KAT6B: variants seen among roughly 807,000 people sequenced by gnomAD.
The protein encoded by KAT6B is histone acetyltransferase KAT6B.
In KAT6B, 10 loss-of-function variants were observed where a neutral mutation model predicts 187.5. The ratio of observed to expected loss-of-function variants is 0.05; its 90% CI spans 0.03 to 0.09. KAT6B has a LOEUF of 0.09. KAT6B is among the 10% of genes least tolerant of loss of function. The probability of loss-of-function intolerance (pLI) is 1.00; values close to 1 mark genes in which losing one functional copy is unlikely to be tolerated. For missense variants in KAT6B, 1,952 were observed against 2,558.9 expected, an observed-to-expected ratio of 0.76 and a Z score of 5.12; for synonymous variants, 861 against 926.8, an observed-to-expected ratio of 0.93 and a Z score of 1.29.
chr10:75,000,027 A>G (rs116905046), intron 13 of KAT6B, among the ~76,000 whole-genome samples: 4 of 152,164 alleles, frequency 2.6e-5, no homozygotes, highest in Non-Finnish European at 4.4e-5. Context: ...ATACAAAAAT[A>G]TGGATGTGGT....
chr10:74,958,125 C>T (rs1473048924), intron 3 of KAT6B, among the ~76,000 whole-genome samples: 1 of 152,180 alleles, frequency 6.6e-6, no homozygotes, highest in Non-Finnish European at 1.5e-5. Flanking sequence ...AATGTTTGGT[C>T]ATGAGATGGT....
At chr10:74,898,875 G>T (rs1436326251) in intron 3 of KAT6B, among the ~76,000 whole-genome samples, 1 of 151,866 alleles carries the variant, frequency 6.6e-6, no homozygotes, top group Non-Finnish European at 1.5e-5. Context: ...AACCGGCTGG[G>T]CACGGTGGCT....
intron 3 of KAT6B, among the ~76,000 whole-genome samples, chr10:74,890,387 C>T (rs1845564982): frequency 6.6e-6 from 1 of 152,026 alleles, no homozygotes; most frequent in Non-Finnish European, 1.5e-5. Flanking sequence ...ACTTGTAATC[C>T]CATTACTTTG....
intron 3 of KAT6B, among the ~76,000 whole-genome samples, chr10:74,957,777 A>T (rs1415271633): frequency 6.6e-6 from 1 of 152,172 alleles, no homozygotes; most frequent in Non-Finnish European, 1.5e-5. Flanking sequence ...TGTTCTTTTA[A>T]TTGCTATTTA....
At position 75,030,930 on chromosome 10, in the gene KAT6B, C is replaced by A; in HGVS notation, c.6106C>A (p.Gln2036Lys). 6.2e-7 allele frequency: 1 copy of A among 1,614,226 alleles called. No individual in the cohort carries two copies. The highest frequency in any genetic ancestry group is 1.1e-5 in the South Asian group (1 of 91,088). ...GATGGGCACCCAGCCATATGCCCAG[C>A]AGCCAATGCAGACCCCACCCCACGG... is the stretch of plus-strand genomic sequence containing the variant. ...GMMGTQPYAQ[Q>K]PMQTPPHGNM... Residue 2036 changes from glutamine to lysine, a missense_variant, in exon 18 of 18, where the codon CAG becomes AAG. Gln to Lys is a moderately conservative substitution (Grantham distance 53, BLOSUM62 1). Coordinates refer to ENST00000287239, the MANE Select transcript of KAT6B (RefSeq NM_012330.4). This position sits in a 1 kb window ranked among gnomAD's most constrained non-coding sequence, Gnocchi z 4.8.
intron 3 of KAT6B, among the ~76,000 whole-genome samples, chr10:74,954,617 G>A (rs1840544681): frequency 1.3e-5 from 2 of 152,250 alleles, no homozygotes; most frequent in Middle Eastern, 6.8e-3. Flanking sequence ...GACACCCAGC[G>A]AGTCCACCCC....
At chr10:74,916,226 C>T (rs1847670793) in intron 3 of KAT6B, among the ~76,000 whole-genome samples, 1 of 151,992 alleles carries the variant, frequency 6.6e-6, no homozygotes, top group Non-Finnish European at 1.5e-5. Context: ...TTATAGTGAC[C>T]CTGTGAGACA....
chr10:74,906,392 C>A (rs1400072320), intron 3 of KAT6B, among the ~76,000 whole-genome samples: 1 of 151,938 alleles, frequency 6.6e-6, no homozygotes, highest in South Asian at 2.1e-4. Flanking sequence ...AGGGACTCCA[C>A]CTCAAAAAAA....
intron 3 of KAT6B, among the ~76,000 whole-genome samples, chr10:74,885,381 A>G (rs1845164805): frequency 1.3e-5 from 2 of 152,222 alleles, no homozygotes; most frequent in Admixed American, 1.3e-4. Flanking sequence ...GCACAGATTT[A>G]GAATCTGAGG....
chr10:74,898,118 G>C, intron 3 of KAT6B, among the ~76,000 whole-genome samples: 1 of 152,038 alleles, frequency 6.6e-6, no homozygotes, highest in South Asian at 2.1e-4. Flanking sequence ...GTTTATTGTA[G>C]AATGTTTACT....
rs2133654397 is a variant in KAT6B at position 74,969,745 on chromosome 10, C to T, written c.816C>T (p.Cys272=). The change falls in exon 5 of 18, where the codon TGC becomes TGT. Residue 272 remains cysteine, a synonymous_variant. Transcript: ENST00000287239. ...GGCAGTGCATCGAATGCAAGACATG[C>T]AGTGCCTGTAGAGTCCAAGGCAGAA... is the stretch of plus-strand genomic sequence containing the variant. ...LRWQCIECKT[C]SACRVQGRNA... 1 of 1,613,542 alleles carries T rather than the reference C, an allele frequency of 6.2e-7. No individual in the cohort carries two copies. Among genetic ancestry groups the T allele is most frequent in the East Asian group, 2.2e-5 (1 of 44,880 alleles).
rs751296942 is a variant in KAT6B, at chr10:75,025,139, G to A, written c.3554G>A (p.Arg1185Lys). The A allele has an allele frequency of 2.5e-6, 4 of 1,614,216 alleles. No individual in the cohort carries two copies. ...TCEIEVEEDGRKPVLRKAFQH... is the reference protein window; with the variant it reads ...TCEIEVEEDGKKPVLRKAFQH... Reference sequence around the variant, plus strand: ...GAGATTGAAGTGGAGGAAGATGGCAGGAAGCCAGTCCTGAGAAAAGCATTC... The same window carrying A: ...GAGATTGAAGTGGAGGAAGATGGCAAGAAGCCAGTCCTGAGAAAAGCATTC... Residue 1185 changes from arginine to lysine, a missense_variant, in exon 17 of 18, where the codon AGG becomes AAG. Coordinates refer to ENST00000287239, the MANE Select transcript of KAT6B (RefSeq NM_012330.4).
chr10:74,928,245 A>G (rs1046468977), intron 3 of KAT6B, among the ~76,000 whole-genome samples: 1 of 152,196 alleles, frequency 6.6e-6, no homozygotes, highest in African/African-American at 2.4e-5. Flanking sequence ...TCTCTGGTTA[A>G]AATTATCACT....
At chr10:74,957,409 T>A (rs1172034392) in intron 3 of KAT6B, among the ~76,000 whole-genome samples, 1 of 152,260 alleles carries the variant, frequency 6.6e-6, no homozygotes, top group Non-Finnish European at 1.5e-5. Flanking sequence ...TGATAACATC[T>A]ATGCTTTCTA....
intron 3 of KAT6B, among the ~76,000 whole-genome samples, chr10:74,884,901 C>T (rs561756707): frequency 4.6e-5 from 7 of 152,036 alleles, no homozygotes; most frequent in Admixed American, 1.3e-4. Flanking sequence ...TTTGGAGCAG[C>T]GCTATCCTAA....
intron 4 of KAT6B, among the ~76,000 whole-genome samples, chr10:74,962,472 C>T (rs1311864387): frequency 1.3e-5 from 2 of 152,210 alleles, no homozygotes; most frequent in African/African-American, 2.4e-5. Flanking sequence ...GCTGCCTTCT[C>T]ACTCTCAGAA....
At chr10:74,950,425 C>T (rs368584473) in intron 3 of KAT6B, among the ~76,000 whole-genome samples, 7 of 152,008 alleles carry the variant, frequency 4.6e-5, no homozygotes, top group South Asian at 2.1e-4. Context: ...CAGATGCAGA[C>T]GGGAACAAAA....
At chr10:74,890,492 T>G (rs1406500544) in intron 3 of KAT6B, among the ~76,000 whole-genome samples, 3 of 151,982 alleles carry the variant, frequency 2.0e-5, no homozygotes, top group Non-Finnish European at 4.4e-5. Flanking sequence ...TATAAAAAAT[T>G]AGCCGGGCCA....
At chr10:75,016,393 A>G (rs2134109549) in intron 13 of KAT6B, among the ~76,000 whole-genome samples, 1 of 152,358 alleles carries the variant, frequency 6.6e-6, no homozygotes, top group African/African-American at 2.4e-5. Context: ...CTTTAAGCAG[A>G]CATCTTGACA....
Sources: allele counts gnomAD v4.1 joint callset (sites outside exome capture counted in the v4.1 genomes callset), GRCh38; gene constraint gnomAD v4.1.1; non-coding constraint Gnocchi (gnomAD v3.1); transcripts MANE v1.5; gene names NCBI Gene and HGNC (gene_info 2026-07-23, HGNC 2026-07-21).